The following PCDHA2 variants were observed in gnomAD, a reference collection of about 807,000 sequenced individuals.
PCDHA2 encodes protocadherin alpha 2.
PCDHA2 carries 58 observed loss-of-function variants against 66.0 expected under a neutral mutation model. The ratio of observed to expected loss-of-function variants is 0.88; its 90% CI spans 0.71 to 1.09. PCDHA2 has a LOEUF of 1.09. PCDHA2 is among the 50% of genes least tolerant of loss of function. PCDHA2 has a pLI of 0.00. For synonymous variants in PCDHA2, 634 were observed against 554.0 expected (o/e 1.14, Z -2.03); for missense variants, 1,267 against 1,242.3 (o/e 1.02, Z -0.30).
chr5:140,881,319 T>C lies in PCDHA2; in HGVS notation c.2388+83967T>C, dbSNP rs183772489. Reference sequence around the variant, plus strand: ...AAACTTTAACCTCCTGGTTAAATTCTATTTAACCAGGACGCCGATTCGGGC... The same window carrying C: ...AAACTTTAACCTCCTGGTTAAATTCCATTTAACCAGGACGCCGATTCGGGC... On this transcript the variant is annotated intron_variant, in intron 1 of 3. Transcript: ENST00000526136. 1.0e-4 allele frequency: 101 copies of C among 979,186 alleles called. No individual in the cohort carries two copies. The African/African-American group carries it at 1.7e-3, about 17-fold the overall frequency. 60.7% of individuals were successfully genotyped at this position (979,186 alleles called of 1,614,324 possible).
intron 1 of PCDHA2, chr5:140,863,368 C>A (rs1562578744): frequency 8.4e-7 from 1 of 1,192,682 alleles, no homozygotes; most frequent in Non-Finnish European, 1.2e-6. Flanking sequence ...GTGCTTGGCG[C>A]AGCTCACCGA....
chr5:140,858,243 C>G (rs781796341), intron 1 of PCDHA2: 1 of 1,595,896 alleles, frequency 6.3e-7, no homozygotes, highest in Non-Finnish European at 8.6e-7. Flanking sequence ...GCATGTGGGC[C>G]GGTGAAGCCC....
At chr5:140,838,077 AGTGTGTGTGTGTGTGTGTGTGTGT>A (rs57130401) in intron 1 of PCDHA2, among the ~76,000 whole-genome samples, 5 of 80,700 alleles carry the variant, frequency 6.2e-5, no homozygotes, top group South Asian at 4.3e-4. Context: ...ATATATATAT[AGTGTGTGTGTGTGTGTGTGTGTGT>A]GTGTGTGTGT....
At chr5:140,892,152 C>T (rs1364975733) in intron 1 of PCDHA2, among the ~76,000 whole-genome samples, 1 of 152,118 alleles carries the variant, frequency 6.6e-6, no homozygotes, top group African/African-American at 2.4e-5. Context: ...GCGTCTATTT[C>T]TGATATGTCC....
chr5:140,909,255 C>G (rs1583695279), intron 1 of PCDHA2, among the ~76,000 whole-genome samples: 1 of 152,210 alleles, frequency 6.6e-6, no homozygotes, highest in African/African-American at 2.4e-5. Context: ...GCTGGCCTTG[C>G]TGACTGAAGG....
chr5:140,869,788 T>A (rs782425741), intron 1 of PCDHA2: 1 of 1,612,892 alleles, frequency 6.2e-7, no homozygotes, highest in East Asian at 2.2e-5. Flanking sequence ...CGTTCGGCTG[T>A]TAGTCCAAGT....
intron 1 of PCDHA2, chr5:140,857,355 C>T: frequency 6.3e-7 from 1 of 1,598,292 alleles, no homozygotes. Flanking sequence ...CCGCTGTGGG[C>T]CACGGCCAGC....
intron 1 of PCDHA2, among the ~76,000 whole-genome samples, chr5:140,938,625 T>G (rs2092136082): frequency 6.6e-6 from 1 of 152,220 alleles, no homozygotes; most frequent in African/African-American, 2.4e-5. Flanking sequence ...AAACTCAGGT[T>G]GCTTATGATG....
At position 140,796,122 on chromosome 5, in the gene PCDHA2, C is replaced by T. The variant is rs1554119722; in HGVS notation, c.1158C>T (p.Thr386=). ...DRDSGTNGHV[T]CSLTPHVPFK... is the part of the protein sequence containing the mutation. ...ACTCTGGTACGAATGGACATGTCACCTGCTCCCTGACGCCCCACGTCCCTT... is the reference window on the plus strand; with the variant it reads ...ACTCTGGTACGAATGGACATGTCACTTGCTCCCTGACGCCCCACGTCCCTT... Residue 386 remains threonine, a synonymous_variant, in exon 1 of 4, where the codon ACC becomes ACT. Transcript: ENST00000526136. The T allele has an allele frequency of 1.2e-6, 2 of 1,614,240 alleles. No individual in the cohort carries two copies. The highest frequency in any genetic ancestry group is 1.7e-6 in the Non-Finnish European group (2 of 1,180,042).
chr5:140,864,323 T>C (rs2048419778), intron 1 of PCDHA2: 1 of 152,230 alleles, frequency 6.6e-6, no homozygotes, highest in Admixed American at 6.5e-5. Flanking sequence ...TTTAATATCA[T>C]AATTATTTGA....
intron 1 of PCDHA2, among the ~76,000 whole-genome samples, chr5:140,920,387 A>C (rs1163833842): frequency 6.6e-6 from 1 of 152,216 alleles, no homozygotes; most frequent in East Asian, 1.9e-4. Flanking sequence ...TCATATTACC[A>C]TCTGGTGTCT....
chr5:140,807,880 A>C (rs1338912507), intron 1 of PCDHA2: 9 of 1,614,034 alleles, frequency 5.6e-6, no homozygotes, highest in African/African-American at 1.3e-5. Flanking sequence ...TACTCATCAC[A>C]GTACTGGATG....
rs2150201069 is a variant in PCDHA2, at chr5:140,832,336, T to C, written c.2388+34984T>C. ...GCTTAAGGGCCATTAGAGGACTGAG[T>C]TGTGGTTTGTGTTTCCTAATGTGAG... On this transcript the variant is annotated intron_variant, in intron 1 of 3. Coordinates refer to ENST00000526136, the MANE Select transcript of PCDHA2 (RefSeq NM_018905.3). Among the ~76,000 whole-genome samples, 820 of 152,216 alleles carry C rather than the reference T, an allele frequency of 5.4e-3. 7 individuals carry two copies. Among genetic ancestry groups the C allele is most frequent in the African/African-American group, 0.018 (760 of 41,540 alleles).
chr5:140,860,179 T>C (rs1448179121), intron 1 of PCDHA2: 2 of 148,944 alleles, frequency 1.3e-5, no homozygotes, highest in African/African-American at 4.9e-5. Flanking sequence ...ATATATATGA[T>C]GGGCTCTCCT....
intron 1 of PCDHA2, chr5:140,817,417 A>T (rs1766134744): frequency 6.6e-6 from 1 of 152,228 alleles, no homozygotes; most frequent in South Asian, 2.1e-4. Context: ...TTGAGTTGGT[A>T]TACCTGTGGA....
At chr5:140,803,429 G>C (rs782400745) in intron 1 of PCDHA2, 1 of 1,614,106 alleles carries the variant, frequency 6.2e-7, no homozygotes, top group African/African-American at 1.3e-5. Flanking sequence ...GCTCCAGCGC[G>C]GTGGGGAGCT....
Position 140,801,553 on chromosome 5 carries a change from T to G in PCDHA2, c.2388+4201T>G, listed in dbSNP as rs782642948. ...GACAGGCCGCTGCAGGTTTTCCATG[T>G]GGAGGTGGAAGTGAAGGACATTAAT... On this transcript the variant is annotated intron_variant, in intron 1 of 3. Coordinates refer to ENST00000526136, the MANE Select transcript of PCDHA2 (RefSeq NM_018905.3). 3.7e-6 allele frequency: 6 copies of G among 1,614,078 alleles called. No homozygotes were observed. The East Asian group carries it at 1.3e-4, about 36-fold the overall frequency.
chr5:140,829,816 T>C (rs2150175358), intron 1 of PCDHA2: 4 of 1,613,796 alleles, frequency 2.5e-6, no homozygotes, highest in South Asian at 1.1e-5. Context: ...GTACTGGTGG[T>C]GCAGTGAGCG....
intron 1 of PCDHA2, among the ~76,000 whole-genome samples, chr5:140,953,746 A>G (rs2094931124): frequency 6.6e-6 from 1 of 152,016 alleles, no homozygotes; most frequent in African/African-American, 2.4e-5. Context: ...TTAACATTAC[A>G]TTTATCCAAG....
Sources: gnomAD v4.1 joint callset for allele counts (sites outside exome capture counted in the v4.1 genomes callset) on GRCh38, gnomAD v4.1.1 for gene constraint, MANE v1.5 for transcripts, NCBI Gene and HGNC (gene_info 2026-07-23, HGNC 2026-07-21) for gene names.